SLC25A33: variants seen among roughly 807,000 people sequenced by gnomAD.
SLC25A33 encodes bone marrow stromal cell mitochondrial carrier protein.
Under a neutral mutation model 35.5 loss-of-function variants are expected in SLC25A33, and 15 were observed. The observed-to-expected ratio is 0.42, with a 90% CI of 0.28 to 0.65. SLC25A33 has a LOEUF of 0.65. SLC25A33 is among the 30% of genes least tolerant of loss of function. SLC25A33 has a pLI of 0.20. For missense variants in SLC25A33, 257 were observed against 398.5 expected (o/e 0.64, Z 3.02); for synonymous variants, 136 against 148.7 (o/e 0.91, Z 0.62).
intron 5 of SLC25A33, among the ~76,000 whole-genome samples, chr1:9,577,304 C>T (rs564530024): frequency 1.8e-4 from 28 of 152,082 alleles, no homozygotes; most frequent in African/African-American, 5.8e-4. Context: ...AAAAATTAGC[C>T]GGGTGTGGTG....
In SLC25A33 at chr1:9,582,915, G is replaced by A. The variant is rs571053796; in HGVS notation, c.*414G>A. ...TAATCTGACTTTAAGATCTTGCACT[G>A]CTAGACAGGGAAGAAGTGTCGCATT... On this transcript the variant is annotated 3_prime_UTR_variant, in exon 7 of 7. Coordinates refer to ENST00000302692, the MANE Select transcript of SLC25A33 (RefSeq NM_032315.3). The surrounding 1 kb of genome is among the most constrained non-coding windows in gnomAD (Gnocchi z 4.0). 37 of 169,946 alleles carry A rather than the reference G, an allele frequency of 2.2e-4. No individual in the cohort carries two copies. The highest frequency in any genetic ancestry group is 4.3e-4 in the Non-Finnish European group (34 of 79,542). 10.5% of individuals were successfully genotyped at this position (169,946 alleles called of 1,614,324 possible). A position where few individuals can be genotyped will look rare whatever the true frequency, so the allele number is the denominator to read the frequency against.
At chr1:9,569,926 A>G (rs889538680) in intron 3 of SLC25A33, among the ~76,000 whole-genome samples, 2 of 152,184 alleles carry the variant, frequency 1.3e-5, no homozygotes, top group African/African-American at 2.4e-5. Context: ...AAAAAAAAAA[A>G]TTAAAACTTC....
At chr1:9,560,108 C>T (rs1243816201) in intron 2 of SLC25A33, among the ~76,000 whole-genome samples, 2 of 151,950 alleles carry the variant, frequency 1.3e-5, no homozygotes, top group Admixed American at 1.3e-4. Context: ...AAAAACCAGC[C>T]GGACATGGCA....
chr1:9,553,198 G>GTTTTGTTTTTTT (rs1557526424), intron 1 of SLC25A33, among the ~76,000 whole-genome samples: 1 of 32,238 alleles, frequency 3.1e-5, no homozygotes, highest in East Asian at 7.2e-4. Flanking sequence ...TTGTGTTCTA[G>GTTTTGTTTTTTT]TTTTGTTTTT....
Position 9,578,066 on chromosome 1 carries a change from C to T in SLC25A33, c.483-1888C>T, listed in dbSNP as rs920003684. 6.6e-6 allele frequency among the ~76,000 whole-genome samples: 1 copy of T among 152,020 alleles called. No homozygotes were observed. Among genetic ancestry groups the T allele is most frequent in the Admixed American group, 6.6e-5 (1 of 15,240 alleles). ...GCCTCCCGAGTAGCTGGGAAGTGCC[C>T]GCCACCATGCCCGGCTAATTTTTTG... On this transcript the variant is annotated intron_variant, in intron 5 of 6. Transcript: ENST00000302692. The surrounding 1 kb of genome is among the most constrained non-coding windows in gnomAD (Gnocchi z 4.3).
intron 1 of SLC25A33, among the ~76,000 whole-genome samples, chr1:9,549,505 G>A (rs1318321922): frequency 1.3e-5 from 2 of 150,202 alleles, no homozygotes; most frequent in Non-Finnish European, 3.0e-5. Context: ...TGGGATCAAC[G>A]GGGGGGATGA....
In SLC25A33 at chr1:9,584,499, A is replaced by T. The variant is rs1352658498; in HGVS notation, c.*1998A>T. The T allele has an allele frequency of 6.6e-6, 1 of 152,286 alleles. No individual in the cohort carries two copies. Among genetic ancestry groups the T allele is most frequent in the Non-Finnish European group, 1.5e-5 (1 of 68,114 alleles). 9.4% of individuals were successfully genotyped at this position (152,286 alleles called of 1,614,324 possible). A position where few individuals can be genotyped will look rare whatever the true frequency, so the allele number is the denominator to read the frequency against. ...ACTACAGCCTCCACCTCCCGGTTTC[A>T]AGCAATTCTCCTGTCTTAGCCTCCT... On this transcript the variant is annotated 3_prime_UTR_variant, in exon 7 of 7. Transcript: ENST00000302692.
intron 2 of SLC25A33, among the ~76,000 whole-genome samples, chr1:9,562,060 A>G (rs1260918541): frequency 6.6e-6 from 1 of 151,304 alleles, no homozygotes; most frequent in Non-Finnish European, 1.5e-5. Context: ...AAAAAAAAAA[A>G]AAAAGGGGCA....
At chr1:9,540,406 T>G (rs1643061413) in intron 1 of SLC25A33, among the ~76,000 whole-genome samples, 2 of 152,094 alleles carry the variant, frequency 1.3e-5, no homozygotes, top group Non-Finnish European at 2.9e-5. Context: ...AGGTGTTCCT[T>G]GTTTTGAAAG....
intron 2 of SLC25A33, among the ~76,000 whole-genome samples, chr1:9,563,085 GT>G (rs552730294): frequency 1.3e-4 from 19 of 151,044 alleles, no homozygotes; most frequent in African/African-American, 4.4e-4. Context: ...CGCCTGGCTA[GT>G]TTTTTTTGTT....
intron 5 of SLC25A33, among the ~76,000 whole-genome samples, chr1:9,573,633 A>G (rs1003541534): frequency 6.6e-6 from 1 of 152,136 alleles, no homozygotes; most frequent in Non-Finnish European, 1.5e-5. Flanking sequence ...AGGAGGGGAT[A>G]TCTCTGGTTG....
chr1:9,580,870 ATAAT>A (rs1557539079), intron 6 of SLC25A33, among the ~76,000 whole-genome samples: 7 of 109,256 alleles, frequency 6.4e-5, no homozygotes, highest in Middle Eastern at 4.7e-3. Context: ...AAAAAAAATA[ATAAT>A]AATAATAATA....
intron 1 of SLC25A33, among the ~76,000 whole-genome samples, chr1:9,549,602 C>T (rs1395028409): frequency 6.6e-6 from 1 of 151,362 alleles, no homozygotes. Flanking sequence ...TTCACCAAGG[C>T]CTCCAGTACA....
intron 6 of SLC25A33, among the ~76,000 whole-genome samples, chr1:9,581,852 A>T (rs889323865): frequency 6.6e-6 from 1 of 152,180 alleles, no homozygotes; most frequent in Non-Finnish European, 1.5e-5. Flanking sequence ...TCTCTAGGTT[A>T]TGTGACTTTC....
At chr1:9,545,804 C>CA (rs767449592) in intron 1 of SLC25A33, among the ~76,000 whole-genome samples, 320 of 151,174 alleles carry the variant, frequency 2.1e-3, no homozygotes, top group Non-Finnish European at 3.8e-3. Context: ...ACTAAAAATA[C>CA]AAAAAAAATT....
In SLC25A33 at chr1:9,555,451, G is replaced by A. The variant is rs367748751; in HGVS notation, c.236+1646G>A. ...CACTTTTAGGCACAATTTAGATAAG[G>A]CAGGATGAGTTGGAGAGTGCTTAGT... is the stretch of plus-strand genomic sequence containing the variant. On this transcript the variant is annotated intron_variant, in intron 2 of 6. Coordinates refer to ENST00000302692, the MANE Select transcript of SLC25A33 (RefSeq NM_032315.3). Among the ~76,000 whole-genome samples the A allele has an allele frequency of 6.4e-4, 97 of 152,160 alleles. 1 individual carries two copies. The South Asian group carries it at 0.015, about 24-fold the overall frequency.
intron 2 of SLC25A33, among the ~76,000 whole-genome samples, chr1:9,565,696 G>A (rs1643491366): frequency 6.6e-6 from 1 of 151,288 alleles, no homozygotes; most frequent in Non-Finnish European, 1.5e-5. Flanking sequence ...GGCTAATGCA[G>A]TGAAACCCCG....
intron 5 of SLC25A33, chr1:9,576,641 T>G (rs908271517): frequency 3.3e-6 from 2 of 608,262 alleles, no homozygotes; most frequent in Non-Finnish European, 6.4e-6. Flanking sequence ...GGTAGTTATG[T>G]GCAGAACACG....
chr1:9,570,391 C>T (rs776330836), intron 4 of SLC25A33, 33 bp downstream of exon 4: 26 of 1,556,020 alleles, frequency 1.7e-5, no homozygotes, highest in Non-Finnish European at 2.3e-5. Context: ...GAGAGGGTCT[C>T]TCTCTCACTT....
Sources: allele counts gnomAD v4.1 joint callset (sites outside exome capture counted in the v4.1 genomes callset), GRCh38; gene constraint gnomAD v4.1.1; non-coding constraint Gnocchi (gnomAD v3.1); transcripts MANE v1.5; gene names NCBI Gene and HGNC (gene_info 2026-07-23, HGNC 2026-07-21).